MAP4K4: variants seen among roughly 807,000 people sequenced by gnomAD.
MAP4K4 encodes the protein mitogen-activated protein kinase kinase kinase kinase 4, also known as HPK/GCK-like kinase HGK.
Under a neutral mutation model 189.6 loss-of-function variants are expected in MAP4K4, and 38 were observed. That is an observed-to-expected ratio of 0.20 (90% confidence interval 0.15 to 0.26). MAP4K4 has a LOEUF of 0.26. Among genes scored for constraint, MAP4K4 ranks in the 10% least tolerant of loss-of-function variants. The probability of loss-of-function intolerance (pLI) is 1.00; values close to 1 mark genes in which losing one functional copy is unlikely to be tolerated. For missense variants in MAP4K4, 1,054 were observed against 1,726.9 expected, an observed-to-expected ratio of 0.61 and a Z score of 6.91; for synonymous variants, 610 against 624.3, an observed-to-expected ratio of 0.98 and a Z score of 0.34.
exon 33 of MAP4K4, chr2:101,891,263 C>T (rs1559362318): frequency 6.2e-7 from 1 of 1,608,808 alleles, no homozygotes. Context: ...CAGTGTGATC[C>T]AGGGATTACT....
At chr2:101,851,818 C>CTTGG (rs2097296926) in intron 12 of MAP4K4, among the ~76,000 whole-genome samples, 1 of 128,952 alleles carries the variant, frequency 7.8e-6, no homozygotes, top group Middle Eastern at 5.8e-3. Flanking sequence ...GTGGGATAGT[C>CTTGG]TTGGGAGATT....
At chr2:101,831,930 C>T (rs1262602732) in intron 7 of MAP4K4, 79 bp downstream of exon 7, 29 of 1,487,578 alleles carry the variant, frequency 1.9e-5, no homozygotes, top group Non-Finnish European at 2.4e-5. Flanking sequence ...ATAAATTGCA[C>T]ACCCCTTGTC....
intron 2 of MAP4K4, among the ~76,000 whole-genome samples, chr2:101,786,121 G>A (rs1319795352): frequency 2.6e-5 from 4 of 151,980 alleles, no homozygotes; most frequent in Admixed American, 6.6e-5. Flanking sequence ...CATTGCACCC[G>A]GCCGGCATCT....
intron 12 of MAP4K4, among the ~76,000 whole-genome samples, chr2:101,851,030 A>C (rs2097266178): frequency 1.3e-5 from 2 of 152,174 alleles, no homozygotes; most frequent in Non-Finnish European, 2.9e-5. Flanking sequence ...AATCCAGTGG[A>C]GTATATTTAA....
intron 2 of MAP4K4, among the ~76,000 whole-genome samples, chr2:101,761,660 G>A (rs1473084935): frequency 1.3e-5 from 2 of 151,422 alleles, no homozygotes; most frequent in East Asian, 1.9e-4. Context: ...CCAGGTTCAA[G>A]CAATTCTGTC....
chr2:101,862,593 AT>A (rs749792012), intron 16 of MAP4K4, among the ~76,000 whole-genome samples: 3 of 152,218 alleles, frequency 2.0e-5, no homozygotes, highest in Non-Finnish European at 4.4e-5. Context: ...TTTCTGAATT[AT>A]CTAATTTTTG....
chr2:101,772,692 A>G (rs1417184676), intron 2 of MAP4K4, among the ~76,000 whole-genome samples: 1 of 152,206 alleles, frequency 6.6e-6, no homozygotes, highest in Non-Finnish European at 1.5e-5. Flanking sequence ...TTTGGCATTC[A>G]CATTGCAAAG....
intron 2 of MAP4K4, among the ~76,000 whole-genome samples, chr2:101,757,133 C>A (rs557965508): frequency 6.6e-6 from 1 of 152,112 alleles, no homozygotes; most frequent in African/African-American, 2.4e-5. Flanking sequence ...GGATGTCTTT[C>A]ATGTGGGAGG....
chr2:101,828,265 TAGAG>T (rs1436143989), intron 5 of MAP4K4, among the ~76,000 whole-genome samples: 2 of 152,220 alleles, frequency 1.3e-5, no homozygotes, highest in Non-Finnish European at 2.9e-5. Context: ...TTGTGCAAGT[TAGAG>T]AGCAAAAATG....
intron 2 of MAP4K4, among the ~76,000 whole-genome samples, chr2:101,705,745 G>C (rs1394006494): frequency 6.6e-6 from 1 of 152,210 alleles, no homozygotes; most frequent in Non-Finnish European, 1.5e-5. Context: ...GAGGAACACT[G>C]AACTGGCAGG....
intron 21 of MAP4K4, 144 bp from the exon 22 acceptor site, chr2:101,869,478 A>C: frequency 1.6e-6 from 1 of 621,936 alleles, no homozygotes; most frequent in Non-Finnish European, 2.8e-6. Context: ...CAAAAGCCAT[A>C]GGAGCTCACT....
intron 26 of MAP4K4, among the ~76,000 whole-genome samples, chr2:101,876,157 G>A (rs1377905241): frequency 1.3e-5 from 2 of 152,172 alleles, no homozygotes; most frequent in Non-Finnish European, 2.9e-5. Flanking sequence ...AAGTCGCGAG[G>A]CTAGTTTCAG....
chr2:101,869,905 T>G, intron 22 of MAP4K4, 108 bp downstream of exon 22: 1 of 1,389,216 alleles, frequency 7.2e-7, no homozygotes, highest in Non-Finnish European at 9.5e-7. Flanking sequence ...GAGCACTTAC[T>G]ATGTAGTTCT....
chr2:101,780,557 G>A (rs1343218481), intron 2 of MAP4K4, among the ~76,000 whole-genome samples: 2 of 152,178 alleles, frequency 1.3e-5, no homozygotes, highest in African/African-American at 4.8e-5. Flanking sequence ...AATCCACTCA[G>A]TTATTTTGTG....
At chr2:101,742,967 T>A (rs1185214607) in intron 2 of MAP4K4, among the ~76,000 whole-genome samples, 1 of 152,216 alleles carries the variant, frequency 6.6e-6, no homozygotes, top group Non-Finnish European at 1.5e-5. Flanking sequence ...CACGTCCTGC[T>A]CTTTTTGAAA....
chr2:101,845,202 G>A (rs1400213467), intron 12 of MAP4K4, among the ~76,000 whole-genome samples: 2 of 148,180 alleles, frequency 1.3e-5, no homozygotes, highest in Admixed American at 6.7e-5. Context: ...AAAAAAAACC[G>A]AACACACACG....
chr2:101,719,651 G>C (rs2050530662), intron 2 of MAP4K4, among the ~76,000 whole-genome samples: 1 of 152,180 alleles, frequency 6.6e-6, no homozygotes, highest in Non-Finnish European at 1.5e-5. Context: ...CTTGCACCTA[G>C]GAAAGCAGAC....
intron 2 of MAP4K4, among the ~76,000 whole-genome samples, chr2:101,744,124 CAG>C (rs141436286): frequency 0.029 from 4,481 of 152,234 alleles, 100 homozygotes; most frequent in South Asian, 0.065. Context: ...AACAAAATGT[CAG>C]GGAAGTCTTC....
intron 2 of MAP4K4, among the ~76,000 whole-genome samples, chr2:101,756,475 A>T (rs1375878161): frequency 6.6e-6 from 1 of 152,160 alleles, no homozygotes; most frequent in Non-Finnish European, 1.5e-5. Context: ...AGAGGTGCAT[A>T]CAGGTCATTA....
Sources: allele counts gnomAD v4.1 joint callset (sites outside exome capture counted in the v4.1 genomes callset), GRCh38; gene constraint gnomAD v4.1.1; transcripts MANE v1.5; gene names NCBI Gene and HGNC (gene_info 2026-07-23, HGNC 2026-07-21).